Variants in GREB1L observed in about 807,000 individuals in gnomAD.
GREB1L encodes GREB1-like protein.
A neutral mutation model predicts 200.8 loss-of-function variants in GREB1L; 17 were observed. The ratio of observed to expected loss-of-function variants is 0.08; its 90% CI spans 0.06 to 0.13. GREB1L has a LOEUF of 0.13. Ranked by LOEUF, GREB1L falls within the 10% of genes least tolerant of loss-of-function variation. The pLI is 1.00. For missense variants in GREB1L, 1,657 were observed against 2,367.7 expected (o/e 0.70, Z 6.23); for synonymous variants, 789 against 893.0 (o/e 0.88, Z 2.08).
intron 1 of GREB1L, among the ~76,000 whole-genome samples, chr18:21,248,832 G>T (rs1472199894): frequency 6.6e-6 from 1 of 152,172 alleles, no homozygotes; most frequent in South Asian, 2.1e-4. Flanking sequence ...GCACTCAATA[G>T]CTGCTCATGG....
chr18:21,500,271 C>T lies in GREB1L; in HGVS notation c.3934C>T (p.His1312Tyr), dbSNP rs1444479264. 1.4e-6 allele frequency: 2 copies of T among 1,434,440 alleles called. No homozygotes were observed. The highest frequency in any genetic ancestry group is 2.8e-5 in the African/African-American group (2 of 71,118). The allele number at this position is 1,434,440 out of a possible 1,614,324, so 88.9% of individuals were successfully genotyped here. ...CCCGGCCTCTGGCACCCGAAACTTC[C>T]ACCCCCGACGGCTCCTGCTGACAGG... ...LDPASGTRNFHPRRLLLTGPP... is the reference protein window; with the variant it reads ...LDPASGTRNFYPRRLLLTGPP... Residue 1312 changes from histidine (H) to tyrosine (Y), a missense_variant, in exon 22 of 33, where the codon CAC (histidine) becomes TAC (tyrosine). Coordinates refer to ENST00000424526, the MANE Select transcript of GREB1L (RefSeq NM_001142966.3).
Position 21,513,881 on chromosome 18 carries a change from G to A in GREB1L, c.4796G>A (p.Arg1599His), listed in dbSNP as rs1347286406. The A allele has an allele frequency of 6.4e-7, 1 of 1,551,634 alleles. No individual in the cohort carries two copies. Among genetic ancestry groups the A allele is most frequent in the Non-Finnish European group, 8.7e-7 (1 of 1,146,950 alleles). The stretch of plus-strand genomic sequence containing the variant: ...CACAACCTAGAATTGGAGAGAAACC[G>A]CCTGGAGGAGCTAGGCATTAAACGC... Reference protein sequence around the residue: ...SYHNLELERNRLEELGIKRQC... With the variant: ...SYHNLELERNHLEELGIKRQC... Residue 1599 changes from arginine to histidine, a missense_variant, in exon 28 of 33, where the codon CGC (arginine) becomes CAC (histidine). Coordinates refer to ENST00000424526, the MANE Select transcript of GREB1L (RefSeq NM_001142966.3).
At chr18:21,429,266 TCCTCTCCTCTCCTCTCCTCCCCTCC>T (rs2032949383) in intron 7 of GREB1L, among the ~76,000 whole-genome samples, 1 of 99,686 alleles carries the variant, frequency 1.0e-5, no homozygotes, top group African/African-American at 3.9e-5. Context: ...TCCTGTCCTC[TCCTCTCCTCTCCTCTCCTCCCCTCC>T]CCTCTCCTCT....
chr18:21,298,955 A>G (rs1158814052), intron 1 of GREB1L, among the ~76,000 whole-genome samples: 1 of 151,738 alleles, frequency 6.6e-6, no homozygotes, highest in Non-Finnish European at 1.5e-5. Flanking sequence ...GTTGAGGAGG[A>G]ATTGAGGGTG....
chr18:21,391,916 T>A (rs1352038426), intron 4 of GREB1L, among the ~76,000 whole-genome samples: 1 of 152,146 alleles, frequency 6.6e-6, no homozygotes, highest in Non-Finnish European at 1.5e-5. Flanking sequence ...TTCAAGCAAT[T>A]CTCCTGCCTC....
chr18:21,469,188 A>G (rs193154278), intron 15 of GREB1L, among the ~76,000 whole-genome samples: 248 of 152,000 alleles, frequency 1.6e-3, no homozygotes, highest in Admixed American at 3.3e-3. Flanking sequence ...CAAGTTGATG[A>G]TTTTCTGTCA....
At chr18:21,494,745 T>C (rs2036479387) in intron 19 of GREB1L, among the ~76,000 whole-genome samples, 1 of 152,204 alleles carries the variant, frequency 6.6e-6, no homozygotes, top group African/African-American at 2.4e-5. Context: ...AAAGTATAGG[T>C]ACATGCTACA....
At chr18:21,408,794 CA>C (rs58262799) in intron 7 of GREB1L, among the ~76,000 whole-genome samples, 3,332 of 73,590 alleles carry the variant, frequency 0.045, 33 homozygotes, top group African/African-American at 0.075. Context: ...AATTCCATCT[CA>C]AAAAAAAAAA....
chr18:21,327,665 GAAGA>G (rs917282808), intron 1 of GREB1L, among the ~76,000 whole-genome samples: 4 of 150,348 alleles, frequency 2.7e-5, no homozygotes, highest in African/African-American at 9.8e-5. Flanking sequence ...AAAAAAAAAG[GAAGA>G]AAGAAGAAGG....
At position 21,274,880 on chromosome 18, in the gene GREB1L, C is replaced by A. The variant is rs575483203; in HGVS notation, c.-120+32487C>A. ...CCAGCCTGGGCAACACAGCAAGACC[C>A]CATCTCTAAAAAAATAATAATAATT... On this transcript the variant is annotated intron_variant, in intron 1 of 32. Coordinates refer to ENST00000424526, the MANE Select transcript of GREB1L (RefSeq NM_001142966.3). 6.7e-5 allele frequency among the ~76,000 whole-genome samples: 10 copies of A among 150,228 alleles called. No homozygotes were observed. In the East Asian group the frequency reaches 2.0e-3, roughly 30 times the overall value.
At chr18:21,446,288 G>T (rs936619323) in intron 11 of GREB1L, among the ~76,000 whole-genome samples, 1 of 152,202 alleles carries the variant, frequency 6.6e-6, no homozygotes, top group East Asian at 1.9e-4. Context: ...GGCTCCCAAA[G>T]TTGGGATTAC....
intron 17 of GREB1L, among the ~76,000 whole-genome samples, chr18:21,485,080 T>G (rs1322859771): frequency 6.6e-6 from 1 of 152,216 alleles, no homozygotes; most frequent in Non-Finnish European, 1.5e-5. Flanking sequence ...TAGTGATGAC[T>G]GACTCATCAA....
At chr18:21,505,714 A>G (rs1320215914) in intron 24 of GREB1L, 96 bp from the exon 25 acceptor site, 5 of 1,421,730 alleles carry the variant, frequency 3.5e-6, no homozygotes, top group Non-Finnish European at 4.7e-6. Flanking sequence ...TACAGAATAC[A>G]TGGAAAAGTC....
intron 21 of GREB1L, 142 bp from the exon 22 acceptor site, chr18:21,499,587 G>A (rs1433781070): frequency 7.9e-6 from 5 of 636,042 alleles, no homozygotes; most frequent in East Asian, 2.7e-5. Flanking sequence ...TGTGGAGAGC[G>A]GCAAAGAGAA....
At chr18:21,324,789 G>C (rs540391313) in intron 1 of GREB1L, among the ~76,000 whole-genome samples, 1 of 152,196 alleles carries the variant, frequency 6.6e-6, no homozygotes, top group African/African-American at 2.4e-5. Flanking sequence ...CAGCCTGGGC[G>C]ACAGAGCGAG....
chr18:21,268,753 C>T (rs1379316864), intron 1 of GREB1L, among the ~76,000 whole-genome samples: 2 of 151,162 alleles, frequency 1.3e-5, no homozygotes, highest in Admixed American at 6.6e-5. Context: ...GCACCCACCA[C>T]GCCTGGCTAA....
intron 17 of GREB1L, among the ~76,000 whole-genome samples, chr18:21,483,826 A>AT (rs35035460): frequency 0.13 from 20,441 of 151,630 alleles, 1,867 homozygotes; most frequent in East Asian, 0.34. Flanking sequence ...AAATACAAAA[A>AT]TTAGCTGGGT....
At chr18:21,319,656 A>G (rs1417499051) in intron 1 of GREB1L, among the ~76,000 whole-genome samples, 2 of 152,374 alleles carry the variant, frequency 1.3e-5, no homozygotes, top group African/African-American at 4.8e-5. Context: ...GAAACATCTG[A>G]AACCCAAACT....
intron 32 of GREB1L, among the ~76,000 whole-genome samples, chr18:21,522,004 C>CCAAAAAAAAAAAAAA (rs2037609576): frequency 3.2e-5 from 1 of 30,984 alleles, no homozygotes; most frequent in African/African-American, 1.2e-4. Context: ...ACTCCGTCTC[C>CCAAAAAAAAAAAAAA]AAAAAAAAAA....
Sources: gnomAD v4.1 joint callset for allele counts (sites outside exome capture counted in the v4.1 genomes callset) on GRCh38, gnomAD v4.1.1 for gene constraint, MANE v1.5 for transcripts, NCBI Gene and HGNC (gene_info 2026-07-23, HGNC 2026-07-21) for gene names.